Variants in PHKB observed in about 807,000 individuals in gnomAD.
PHKB encodes the protein phosphorylase kinase regulatory subunit beta, also known as phosphorylase b kinase regulatory subunit beta.
In PHKB, 122 loss-of-function variants were observed where a neutral mutation model predicts 152.1. The observed-to-expected ratio is 0.80, with a 90% CI of 0.69 to 0.93. The LOEUF (loss-of-function observed/expected upper bound fraction) is 0.93. Ranked by LOEUF, PHKB falls within the 40% of genes least tolerant of loss-of-function variation. The pLI is 0.00. For synonymous variants in PHKB, 436 were observed against 464.9 expected (o/e 0.94, Z 0.80); for missense variants, 1,304 against 1,328.4 (o/e 0.98, Z 0.29).
At chr16:47,604,584 C>T (rs1211215721) in intron 13 of PHKB, among the ~76,000 whole-genome samples, 3 of 152,152 alleles carry the variant, frequency 2.0e-5, no homozygotes, top group African/African-American at 7.2e-5. Flanking sequence ...CATAATTTTA[C>T]CCTGTAAGTA....
intron 5 of PHKB, among the ~76,000 whole-genome samples, chr16:47,514,373 G>C (rs1399316158): frequency 3.3e-5 from 5 of 152,216 alleles, no homozygotes; most frequent in Non-Finnish European, 5.9e-5. Context: ...ATACAAGCCA[G>C]TGGTGTAACT....
intron 6 of PHKB, chr16:47,529,594 C>T (rs1050423435): frequency 2.6e-5 from 4 of 152,200 alleles, no homozygotes; most frequent in African/African-American, 9.7e-5. Flanking sequence ...GATCCGCCCA[C>T]CTTGCCTCCC....
chr16:47,591,716 C>A (rs111556544), intron 10 of PHKB, among the ~76,000 whole-genome samples: 58 of 152,198 alleles, frequency 3.8e-4, no homozygotes, highest in African/African-American at 1.3e-3. Flanking sequence ...CAAGTGCCCA[C>A]CCCCTGTATG....
At position 47,666,085 on chromosome 16, in the gene PHKB, G is replaced by T. The variant is rs1047521486; in HGVS notation, c.2427+1110G>T. ...TTGGTCCCGGTTGCAAAGATTTCTG[G>T]CTAGGACCCTTAATTTTAAGTCTGG... On this transcript the variant is annotated intron_variant, in intron 25 of 30. Coordinates refer to ENST00000323584, the MANE Select transcript of PHKB (RefSeq NM_000293.3). 5 of 1,274,114 alleles carry T rather than the reference G, an allele frequency of 3.9e-6. No individual in the cohort carries two copies. The African/African-American group carries it at 5.9e-5, about 15-fold the overall frequency. 78.9% of individuals were successfully genotyped at this position (1,274,114 alleles called of 1,614,324 possible). A position where few individuals can be genotyped will look rare whatever the true frequency, so the allele number is the denominator to read the frequency against.
chr16:47,503,801 C>T (rs1342974820), intron 4 of PHKB, among the ~76,000 whole-genome samples: 2 of 151,980 alleles, frequency 1.3e-5, no homozygotes, highest in African/African-American at 2.4e-5. Flanking sequence ...TGCACTCCAG[C>T]CTGGCGACAG....
chr16:47,672,827 T>C lies in PHKB; in HGVS notation c.2630+3410T>C, dbSNP rs9930919. Among the ~76,000 whole-genome samples the C allele has an allele frequency of 4.2e-3, 641 of 152,300 alleles. 6 individuals are homozygous for C. The highest frequency in any genetic ancestry group is 0.015 in the African/African-American group (611 of 41,580). ...CTGTTTTTATATCTGTTACTCTGTATGTTTGGTGCTTTCCATGAGAAATGA... is the reference window on the plus strand; with the variant it reads ...CTGTTTTTATATCTGTTACTCTGTACGTTTGGTGCTTTCCATGAGAAATGA... On this transcript the variant is annotated intron_variant, in intron 26 of 30. Coordinates refer to ENST00000323584, the MANE Select transcript of PHKB (RefSeq NM_000293.3).
At chr16:47,688,942 C>T in intron 26 of PHKB, 99 bp from the exon 27 acceptor site, 1 of 1,285,656 alleles carries the variant, frequency 7.8e-7, no homozygotes, top group South Asian at 1.2e-5. Context: ...CTTCATTCTC[C>T]TTTGAATGGG....
chr16:47,554,899 C>A (rs1315262552), intron 7 of PHKB, among the ~76,000 whole-genome samples: 1 of 152,196 alleles, frequency 6.6e-6, no homozygotes, highest in African/African-American at 2.4e-5. Flanking sequence ...GTTGGAAATG[C>A]AGAAATCACC....
intron 8 of PHKB, among the ~76,000 whole-genome samples, chr16:47,582,510 C>A (rs1971864891): frequency 2.0e-5 from 3 of 152,120 alleles, no homozygotes; most frequent in Non-Finnish European, 2.9e-5. Context: ...CTTGACTATG[C>A]ATTGGAATCA....
intron 7 of PHKB, chr16:47,566,824 C>T: frequency 1.4e-6 from 1 of 722,900 alleles, no homozygotes; most frequent in South Asian, 1.4e-5. Flanking sequence ...CCAGTCCCTC[C>T]ATCCTCAGCC....
intron 6 of PHKB, among the ~76,000 whole-genome samples, chr16:47,535,136 G>A (rs926226904): frequency 2.6e-5 from 4 of 152,172 alleles, no homozygotes; most frequent in African/African-American, 9.7e-5. Context: ...TAAGCATTTA[G>A]CTGTACAAGA....
intron 4 of PHKB, among the ~76,000 whole-genome samples, chr16:47,506,758 G>A (rs948157646): frequency 3.3e-5 from 5 of 152,182 alleles, no homozygotes; most frequent in African/African-American, 9.7e-5. Flanking sequence ...ATGGGAAGGA[G>A]AAGAATTGTT....
chr16:47,481,752 A>T (rs936622675), intron 1 of PHKB, among the ~76,000 whole-genome samples: 1 of 152,216 alleles, frequency 6.6e-6, no homozygotes, highest in African/African-American at 2.4e-5. Context: ...CTGTGAGGTT[A>T]TATAATTTTC....
chr16:47,464,275 G>A (rs113717764), intron 1 of PHKB: 4,712 of 460,910 alleles, frequency 0.01, 36 homozygotes, highest in South Asian at 0.016. Context: ...ATTGTCAAAT[G>A]TGCACATAGC....
chr16:47,517,972 A>G (rs1970625773), intron 6 of PHKB, among the ~76,000 whole-genome samples: 2 of 152,190 alleles, frequency 1.3e-5, no homozygotes, highest in African/African-American at 2.4e-5. Context: ...CCTGCATAGA[A>G]TCAGTTAATG....
In PHKB at chr16:47,573,792, G is replaced by A. The variant is rs1002652759; in HGVS notation, c.711-6503G>A. ...ACAGTAGATTAGATTGCTTATTTTA[G>A]TTGGCAGCTTCTTCCAACCTGTGAC... is the stretch of plus-strand genomic sequence containing the variant. On this transcript the variant is annotated intron_variant, in intron 7 of 30. Coordinates refer to ENST00000323584, the MANE Select transcript of PHKB (RefSeq NM_000293.3). 3.9e-5 allele frequency among the ~76,000 whole-genome samples: 6 copies of A among 152,238 alleles called. 1 individual carries two copies. Among genetic ancestry groups the A allele is most frequent in the African/African-American group, 1.4e-4 (6 of 41,468 alleles).
intron 16 of PHKB, among the ~76,000 whole-genome samples, chr16:47,645,600 T>C (rs1973102602): frequency 6.7e-6 from 1 of 149,558 alleles, no homozygotes; most frequent in African/African-American, 2.5e-5. Flanking sequence ...AGTACCGTGC[T>C]GTTTTGGTTA....
chr16:47,514,339 T>G (rs1970559831), intron 5 of PHKB, among the ~76,000 whole-genome samples: 1 of 152,102 alleles, frequency 6.6e-6, no homozygotes, highest in Non-Finnish European at 1.5e-5. Flanking sequence ...TGTGGCTTAG[T>G]CCACATCTGA....
chr16:47,629,359 C>T (rs1407932121), intron 14 of PHKB, among the ~76,000 whole-genome samples: 3 of 151,596 alleles, frequency 2.0e-5, no homozygotes, highest in South Asian at 2.1e-4. Flanking sequence ...AAAAAGTGGG[C>T]GAAGGACATG....
Sources: gnomAD v4.1 joint callset for allele counts (sites outside exome capture counted in the v4.1 genomes callset) on GRCh38, gnomAD v4.1.1 for gene constraint, MANE v1.5 for transcripts, NCBI Gene and HGNC (gene_info 2026-07-23, HGNC 2026-07-21) for gene names.